The following TNRC6B variants were observed in gnomAD, a reference collection of about 807,000 sequenced individuals.
TNRC6B encodes the protein trinucleotide repeat containing adaptor 6B, also known as trinucleotide repeat-containing gene 6B protein.
In TNRC6B, 52 loss-of-function variants were observed where a neutral mutation model predicts 203.6. The ratio of observed to expected loss-of-function variants is 0.26; its 90% CI spans 0.20 to 0.32. TNRC6B has a LOEUF of 0.32. TNRC6B is among the 10% of genes least tolerant of loss of function. The pLI is 1.00. For synonymous variants in TNRC6B, 838 were observed against 845.7 expected, an observed-to-expected ratio of 0.99 and a Z score of 0.16; for missense variants, 1,923 against 2,286.2, an observed-to-expected ratio of 0.84 and a Z score of 3.24.
intron 4 of TNRC6B, among the ~76,000 whole-genome samples, chr22:40,166,103 A>G (rs1002481568): frequency 2.0e-5 from 3 of 152,188 alleles, no homozygotes; most frequent in Admixed American, 2.0e-4. Flanking sequence ...TGCTCCTGCC[A>G]GGGGCTCTCC....
intron 1 of TNRC6B, 91 bp downstream of exon 1, chr22:40,178,231 G>T (rs1368034678): frequency 6.9e-7 from 1 of 1,444,832 alleles, no homozygotes; most frequent in Non-Finnish European, 9.7e-7. Flanking sequence ...ATCGACATTT[G>T]TCTAGCATGG....
At chr22:40,130,800 A>AAAAG (rs2068536141) in intron 3 of TNRC6B, among the ~76,000 whole-genome samples, 1 of 151,584 alleles carries the variant, frequency 6.6e-6, no homozygotes, top group African/African-American at 2.4e-5. Context: ...AAAAAAAAAA[A>AAAAG]AAATAGTTAA....
rs965953613 is a variant in TNRC6B, at chr22:40,329,181, A to C, written c.*5940A>C. On this transcript the variant is annotated 3_prime_UTR_variant, in exon 23 of 23. Coordinates refer to ENST00000454349, the MANE Select transcript of TNRC6B (RefSeq NM_001162501.2). ...GTCTTCAGACCTCATGGTCGTTAAG[A>C]AAATAGGGAACTCACAAACCCTGCT... is the stretch of plus-strand genomic sequence containing the variant. The C allele has an allele frequency of 6.6e-6, 1 of 152,266 alleles. No homozygotes were observed. Among genetic ancestry groups the C allele is most frequent in the Admixed American group, 6.5e-5 (1 of 15,282 alleles). 9.4% of individuals were successfully genotyped at this position (152,266 alleles called of 1,614,324 possible).
intron 9 of TNRC6B, among the ~76,000 whole-genome samples, chr22:40,279,658 A>C (rs748576391): frequency 6.6e-5 from 10 of 152,248 alleles, no homozygotes; most frequent in Non-Finnish European, 1.5e-4. Flanking sequence ...TGTGTTCATC[A>C]GACACATCAG....
intron 1 of TNRC6B, among the ~76,000 whole-genome samples, chr22:40,191,137 C>T (rs535259408): frequency 4.6e-5 from 7 of 151,908 alleles, no homozygotes; most frequent in Non-Finnish European, 8.8e-5. Context: ...AGATGGGAGT[C>T]GCTTGGTGTG....
chr22:40,215,276 C>G (rs973552576), intron 1 of TNRC6B, among the ~76,000 whole-genome samples: 1 of 93,232 alleles, frequency 1.1e-5, no homozygotes, highest in Admixed American at 1.1e-4. Flanking sequence ...GACAGTTTTG[C>G]TAGCTACATT....
intron 1 of TNRC6B, among the ~76,000 whole-genome samples, chr22:40,075,154 A>ATTTTTTTTTTTTTTTTTTTTTT (rs1181613595): frequency 7.2e-5 from 4 of 55,394 alleles, no homozygotes; most frequent in African/African-American, 3.3e-4. Context: ...ATATATATAT[A>ATTTTTTTTTTTTTTTTTTTTTT]TATTTTTTTT....
intron 1 of TNRC6B, among the ~76,000 whole-genome samples, chr22:40,207,008 A>G (rs554679147): frequency 2.0e-5 from 3 of 152,256 alleles, no homozygotes; most frequent in African/African-American, 7.2e-5. Flanking sequence ...AGGCTCTAGG[A>G]AGAATTGCTC....
intron 1 of TNRC6B, among the ~76,000 whole-genome samples, chr22:40,066,312 G>A (rs750773621): frequency 4.5e-4 from 69 of 152,146 alleles, no homozygotes; most frequent in Non-Finnish European, 8.1e-4. Context: ...GTTGTTTCAG[G>A]TATGAGGATA....
chr22:40,291,614 C>T (rs73885671), intron 12 of TNRC6B, among the ~76,000 whole-genome samples: 3,735 of 152,270 alleles, frequency 0.025, 173 homozygotes, highest in African/African-American at 0.086. Context: ...GTAGCATTCA[C>T]GGTGATCATA....
At chr22:40,237,613 G>C (rs2069965158) in intron 1 of TNRC6B, among the ~76,000 whole-genome samples, 1 of 152,236 alleles carries the variant, frequency 6.6e-6, no homozygotes, top group East Asian at 1.9e-4. Flanking sequence ...AGAGAAGGAA[G>C]AAGTGGGGGT....
Position 40,262,155 on chromosome 22 carries a change from G to A in TNRC6B, c.439G>A (p.Glu147Lys), listed in dbSNP as rs1601465721. The change falls in exon 4 of 23, where the codon GAG (glutamate) becomes AAG (lysine). Residue 147 changes from glutamate (E) to lysine (K), a missense_variant. Glu to Lys is a moderately conservative substitution (Grantham distance 56). Around this residue, in one of 8 missense-constraint regions of TNRC6B, gnomAD observed 614 missense variants for 587.7 expected, o/e 1.04. Coordinates refer to ENST00000454349, the MANE Select transcript of TNRC6B (RefSeq NM_001162501.2). The part of the protein sequence containing the change: ...AQVTGALLQS[E>K]SGTAPDSTLG... ...AGTGACAGGAGCGCTGCTGCAGAGTGAGAGTGGGACTGCGCCAGGTAAGGC... is the reference window on the plus strand; with the variant it reads ...AGTGACAGGAGCGCTGCTGCAGAGTAAGAGTGGGACTGCGCCAGGTAAGGC... 1.4e-6 allele frequency: 2 copies of A among 1,450,000 alleles called. No individual in the cohort carries two copies. Among genetic ancestry groups the A allele is most frequent in the South Asian group, 3.1e-5 (2 of 65,302 alleles). 89.8% of individuals were successfully genotyped at this position (1,450,000 alleles called of 1,614,324 possible). A position where few individuals can be genotyped will look rare whatever the true frequency, so the allele number is the denominator to read the frequency against.
In TNRC6B at chr22:40,222,728, C is replaced by CTTTTT. The variant is rs61374373; in HGVS notation, c.6-23258_6-23254dup. On this transcript the variant is annotated intron_variant, in intron 1 of 22. Coordinates refer to ENST00000454349, the MANE Select transcript of TNRC6B (RefSeq NM_001162501.2). Reference sequence around the variant, plus strand: ...ATCTTGCTGTATTCTCTCTCTCTCTCTTTTTTTTTTTTTTTTTTTTTTTTT... The same window carrying CTTTTT: ...ATCTTGCTGTATTCTCTCTCTCTCTCTTTTTTTTTTTTTTTTTTTTTTTTTTTTTT... Among the ~76,000 whole-genome samples the CTTTTT allele has an allele frequency of 4.5e-3, 183 of 40,220 alleles. 39 individuals carry two copies. The highest frequency in any genetic ancestry group is 0.015 in the African/African-American group (118 of 7,868). 26.4% of individuals were successfully genotyped at this position (40,220 alleles called of 152,430 possible). A position where few individuals can be genotyped will look rare whatever the true frequency, so the allele number is the denominator to read the frequency against.
At chr22:40,063,438 T>A (rs1352851801) in intron 1 of TNRC6B, among the ~76,000 whole-genome samples, 2 of 152,214 alleles carry the variant, frequency 1.3e-5, no homozygotes, top group Admixed American at 1.3e-4. Flanking sequence ...AGGATCAGCT[T>A]CTCCATTTCT....
intron 2 of TNRC6B, among the ~76,000 whole-genome samples, chr22:40,247,072 C>T (rs970323316): frequency 2.0e-5 from 3 of 152,212 alleles, no homozygotes; most frequent in African/African-American, 7.2e-5. Context: ...GCATGCCCCT[C>T]TGCCCTGTCT....
In TNRC6B at chr22:40,266,244, C is replaced by A; in HGVS notation, c.2014C>A (p.Gln672Lys). ...NSGGWGDAPS[Q>K]SNQMKSGWGE... ...AGGGGGCTGGGGAGATGCACCCAGC[C>A]AAAGCAATCAAATGAAGTCTGGATG... Residue 672 changes from glutamine (Q) to lysine (K), a missense_variant, in exon 5 of 23, where the codon CAA (glutamine) becomes AAA (lysine). Physicochemically the swap from Gln to Lys is moderately conservative, Grantham distance 53. Transcript: ENST00000454349. 6.3e-7 allele frequency: 1 copy of A among 1,599,238 alleles called. No individual in the cohort carries two copies. Among genetic ancestry groups the A allele is most frequent in the East Asian group, 2.3e-5 (1 of 44,210 alleles).
At chr22:40,222,028 T>G (rs2069717100) in intron 1 of TNRC6B, among the ~76,000 whole-genome samples, 1 of 152,174 alleles carries the variant, frequency 6.6e-6, no homozygotes, top group Admixed American at 6.5e-5. Flanking sequence ...TCTAACTCAC[T>G]TTAAGCCCCG....
At chr22:40,106,226 C>T in intron 1 of TNRC6B, 2 of 329,526 alleles carry the variant, frequency 6.1e-6, no homozygotes, top group East Asian at 5.9e-5. Context: ...TTTTCATTTT[C>T]TCGAGGTTGT....
intron 4 of TNRC6B, among the ~76,000 whole-genome samples, chr22:40,264,250 C>T (rs1345727503): frequency 6.6e-6 from 1 of 152,138 alleles, no homozygotes; most frequent in Admixed American, 6.5e-5. Context: ...TGATGACATT[C>T]GAGGCCAAGG....
Sources: gnomAD v4.1 joint callset for allele counts (sites outside exome capture counted in the v4.1 genomes callset) on GRCh38, gnomAD v4.1.1 for gene constraint, gnomAD v4.1.1 regional missense constraint, MANE v1.5 for transcripts, NCBI Gene and HGNC (gene_info 2026-07-23, HGNC 2026-07-21) for gene names.